Variants in RPS6KA2 observed in about 807,000 individuals in gnomAD.
RPS6KA2 encodes the protein ribosomal protein S6 kinase A2, also known as ribosomal protein S6 kinase alpha-2.
In RPS6KA2, 42 loss-of-function variants were observed where a neutral mutation model predicts 91.8. The observed-to-expected ratio is 0.46, with a 90% confidence interval of 0.36 to 0.59. The LOEUF (loss-of-function observed/expected upper bound fraction) is 0.59. Ranked by LOEUF, RPS6KA2 falls within the 20% of genes least tolerant of loss-of-function variation. RPS6KA2 has a pLI of 0.00. For synonymous variants in RPS6KA2, 414 were observed against 393.6 expected, an observed-to-expected ratio of 1.05 and a Z score of -0.61; for missense variants, 798 against 978.5, an observed-to-expected ratio of 0.82 and a Z score of 2.46.
intron 19 of RPS6KA2, among the ~76,000 whole-genome samples, chr6:166,414,915 A>C (rs1043864576): frequency 2.6e-5 from 4 of 152,132 alleles, no homozygotes; most frequent in African/African-American, 9.7e-5. Context: ...AAATACAAAA[A>C]TGAGCTGGGT....
Position 166,437,826 on chromosome 6 carries a change from C to G in RPS6KA2, c.1333-5336G>C, listed in dbSNP as rs1478041596. 1.3e-5 allele frequency among the ~76,000 whole-genome samples: 2 copies of G among 152,108 alleles called. No individual in the cohort carries two copies. Among genetic ancestry groups the G allele is most frequent in the Non-Finnish European group, 2.9e-5 (2 of 67,998 alleles). ...GCTCTTGATAACACCTTTCCTCCTG[C>G]TGGCCGAAGGCGGCAACAGGAGACT... On this transcript the variant is annotated intron_variant, in intron 14 of 20. Transcript: ENST00000265678. This position sits in a 1 kb window ranked among gnomAD's most constrained non-coding sequence, Gnocchi z 4.3.
chr6:166,664,355 G>A (rs535005271), intron 2 of RPS6KA2, among the ~76,000 whole-genome samples: 60 of 152,366 alleles, frequency 3.9e-4, no homozygotes, highest in African/African-American at 1.3e-3. Context: ...AAGTTTCCGG[G>A]TGATAACTGT....
intron 2 of RPS6KA2, among the ~76,000 whole-genome samples, chr6:166,772,783 T>C (rs76168680): frequency 0.032 from 4,808 of 152,232 alleles, 261 homozygotes; most frequent in African/African-American, 0.11. Flanking sequence ...TTGGGGTCCC[T>C]CATAAAAAGA....
intron 2 of RPS6KA2, among the ~76,000 whole-genome samples, chr6:166,775,615 G>T (rs894705179): frequency 6.6e-6 from 1 of 152,176 alleles, no homozygotes; most frequent in Non-Finnish European, 1.5e-5. Flanking sequence ...CCCCACACCT[G>T]CCAGCTTTAT....
chr6:166,412,976 C>G lies in RPS6KA2; in HGVS notation c.2077-89G>C. 7.4e-7 allele frequency: 1 copy of G among 1,357,100 alleles called. No individual in the cohort carries two copies. The highest frequency in any genetic ancestry group is 1.5e-5 in the South Asian group (1 of 66,602). 84.1% of individuals were successfully genotyped at this position (1,357,100 alleles called of 1,614,324 possible). Reference sequence around the variant, plus strand: ...GGGGCCTCCATGGGCCTCAGCTGCCCCCAGGCAACGTGGGAGAAACCAGAG... The same window carrying G: ...GGGGCCTCCATGGGCCTCAGCTGCCGCCAGGCAACGTGGGAGAAACCAGAG... On this transcript the variant is annotated intron_variant, in intron 20 of 20. Transcript: ENST00000265678. The surrounding 1 kb of genome is among the most constrained non-coding windows in gnomAD (Gnocchi z 4.3).
chr6:166,605,964 A>G (rs1785938301), intron 1 of RPS6KA2, among the ~76,000 whole-genome samples: 1 of 152,226 alleles, frequency 6.6e-6, no homozygotes, highest in Admixed American at 6.5e-5. Flanking sequence ...AGCACCTGTT[A>G]TCAGATCACG....
At chr6:166,816,383 TA>T (rs1779762982) in intron 2 of RPS6KA2, among the ~76,000 whole-genome samples, 1 of 41,246 alleles carries the variant, frequency 2.4e-5, no homozygotes, top group African/African-American at 8.4e-5. Flanking sequence ...CCGTCTCTAC[TA>T]AAAATACAAA....
chr6:166,615,432 T>C (rs1010841241), intron 1 of RPS6KA2, among the ~76,000 whole-genome samples: 5 of 152,224 alleles, frequency 3.3e-5, no homozygotes, highest in Admixed American at 1.3e-4. Flanking sequence ...AAAGCATTTC[T>C]GAAGATGATT....
At chr6:166,571,575 T>G (rs547440127) in intron 1 of RPS6KA2, among the ~76,000 whole-genome samples, 26 of 152,220 alleles carry the variant, frequency 1.7e-4, no homozygotes, top group Middle Eastern at 3.4e-3. Flanking sequence ...GTCAAAGGAA[T>G]GAAATGCACA....
intron 2 of RPS6KA2, among the ~76,000 whole-genome samples, chr6:166,718,629 C>T (rs1346273045): frequency 2.0e-5 from 3 of 152,166 alleles, no homozygotes; most frequent in African/African-American, 7.2e-5. Context: ...GGCCCCCAAA[C>T]ATGAATTAAT....
At chr6:166,806,289 A>G (rs1779490957) in intron 2 of RPS6KA2, among the ~76,000 whole-genome samples, 1 of 152,246 alleles carries the variant, frequency 6.6e-6, no homozygotes, top group Admixed American at 6.5e-5. Flanking sequence ...ACAAACTACA[A>G]GTATGATGAA....
At chr6:166,679,387 C>T (rs899134579) in intron 2 of RPS6KA2, among the ~76,000 whole-genome samples, 2 of 152,056 alleles carry the variant, frequency 1.3e-5, no homozygotes, top group Admixed American at 6.5e-5. Flanking sequence ...TCACTTGAAC[C>T]TGGGAGGTGG....
chr6:166,594,897 G>A (rs1785487320), intron 1 of RPS6KA2, among the ~76,000 whole-genome samples: 3 of 152,254 alleles, frequency 2.0e-5, no homozygotes, highest in Middle Eastern at 6.8e-3. Context: ...GAAGTAAAAA[G>A]ATAAAAGAGG....
At chr6:166,686,089 G>A (rs771239432) in intron 2 of RPS6KA2, among the ~76,000 whole-genome samples, 6 of 152,166 alleles carry the variant, frequency 3.9e-5, no homozygotes, top group Non-Finnish European at 8.8e-5. Flanking sequence ...CGGAAGGATC[G>A]AGAATCTTAT....
upstream of RPS6KA2, among the ~76,000 whole-genome samples, chr6:166,628,860 G>A (rs1353421437): frequency 2.0e-5 from 3 of 152,252 alleles, no homozygotes; most frequent in Non-Finnish European, 4.4e-5. Flanking sequence ...TTCATATTAT[G>A]TATTAAAGGA....
intron 1 of RPS6KA2, among the ~76,000 whole-genome samples, chr6:166,624,938 A>G (rs1786796348): frequency 6.6e-6 from 1 of 151,864 alleles, no homozygotes; most frequent in Admixed American, 6.6e-5. Flanking sequence ...GGTTCAAGCG[A>G]TTCTCCTGCC....
rs1779737727 is a variant in RPS6KA2 at position 166,448,111 on chromosome 6, GC to G, written c.1332+612del. ...AAGCTAAAGTTACTATGTAGAGATT[GC>G]CAAATTGGGTTACAAAGAATTGTTT... On this transcript the variant is annotated intron_variant, in intron 14 of 20. Transcript: ENST00000265678. The surrounding 1 kb of genome is among the most constrained non-coding windows in gnomAD (Gnocchi z 4.7). Among the ~76,000 whole-genome samples the G allele has an allele frequency of 6.6e-6, 1 of 152,212 alleles. No individual in the cohort carries two copies. The highest frequency in any genetic ancestry group is 1.5e-5 in the Non-Finnish European group (1 of 68,040).
intron 2 of RPS6KA2, among the ~76,000 whole-genome samples, chr6:166,790,155 G>A (rs1429909206): frequency 6.6e-6 from 1 of 152,166 alleles, no homozygotes; most frequent in Non-Finnish European, 1.5e-5. Context: ...AACCAATGCA[G>A]AGAAGTCCTT....
At chr6:166,661,875 T>C (rs866366489) in intron 2 of RPS6KA2, among the ~76,000 whole-genome samples, 48 of 152,348 alleles carry the variant, frequency 3.2e-4, no homozygotes, top group African/African-American at 1.1e-3. Flanking sequence ...GAGTACACTA[T>C]GAAGGGAGGA....
Sources: gnomAD v4.1 joint callset for allele counts (sites outside exome capture counted in the v4.1 genomes callset) on GRCh38, gnomAD v4.1.1 for gene constraint, Gnocchi (gnomAD v3.1) non-coding constraint, MANE v1.5 for transcripts, NCBI Gene and HGNC (gene_info 2026-07-23, HGNC 2026-07-21) for gene names.